Variants in KCTD1 observed in about 807,000 individuals in gnomAD.
KCTD1 encodes the protein BTB/POZ domain-containing protein KCTD1.
Under a neutral mutation model 66.0 loss-of-function variants are expected in KCTD1, and 24 were observed. The ratio of observed to expected loss-of-function variants is 0.36; its 90% confidence interval spans 0.26 to 0.51. The LOEUF is 0.51. Among genes scored for constraint, KCTD1 ranks in the 20% least tolerant of loss-of-function variants. KCTD1 has a pLI of 0.95. For synonymous variants in KCTD1, 511 were observed against 517.2 expected (o/e 0.99, Z 0.16); for missense variants, 943 against 1,205.2 (o/e 0.78, Z 3.22).
chr18:26,485,935 CTTTT>C (rs372930779), intron 2 of KCTD1, among the ~76,000 whole-genome samples: 8 of 136,612 alleles, frequency 5.9e-5, no homozygotes, highest in Admixed American at 7.4e-5. Flanking sequence ...TAATTTAATC[CTTTT>C]TTTTTTTTTT....
chr18:26,634,343 G>A (rs1239882282), intron 1 of KCTD1, among the ~76,000 whole-genome samples: 1 of 152,124 alleles, frequency 6.6e-6, no homozygotes, highest in Non-Finnish European at 1.5e-5. Flanking sequence ...GTGCAGAAAA[G>A]CATTTATGAT....
At chr18:26,610,504 T>C (rs1987110933) in intron 1 of KCTD1, among the ~76,000 whole-genome samples, 1 of 151,830 alleles carries the variant, frequency 6.6e-6, no homozygotes, top group South Asian at 2.1e-4. Context: ...TTTGAGCCCA[T>C]AAATTTAAGG....
At chr18:26,631,407 G>A (rs1987614837), upstream of KCTD1, among the ~76,000 whole-genome samples, 1 of 152,188 alleles carries the variant, frequency 6.6e-6, no homozygotes, top group Admixed American at 6.5e-5. Context: ...TGTACAGCAT[G>A]TTACCGCACT....
At chr18:26,455,934 GGT>G in intron 4 of KCTD1, 33 bp from the exon 5 acceptor site, 1 of 1,604,024 alleles carries the variant, frequency 6.2e-7, no homozygotes, top group Non-Finnish European at 8.5e-7. Context: ...TCCAGTTAGG[GGT>G]GAGGTAAGTC....
chr18:26,463,836 C>A (rs2144548273), intron 3 of KCTD1, among the ~76,000 whole-genome samples: 1 of 152,310 alleles, frequency 6.6e-6, no homozygotes, highest in East Asian at 1.9e-4. Context: ...CACGCCCGGC[C>A]TGAATACATA....
intron 1 of KCTD1, among the ~76,000 whole-genome samples, chr18:26,626,696 A>G (rs938248541): frequency 1.3e-5 from 2 of 152,046 alleles, no homozygotes; most frequent in African/African-American, 4.8e-5. Context: ...GCTGGTTTTG[A>G]ATTCCTAGCC....
chr18:26,602,780 A>G (rs534077875), intron 1 of KCTD1, among the ~76,000 whole-genome samples: 1 of 152,246 alleles, frequency 6.6e-6, no homozygotes, highest in African/African-American at 2.4e-5. Context: ...CCACAGCTGT[A>G]TCAGTTCAGC....
At chr18:26,649,741 C>G (rs191468412) in intron 1 of KCTD1, among the ~76,000 whole-genome samples, 154 of 152,284 alleles carry the variant, frequency 1.0e-3, no homozygotes, top group African/African-American at 3.5e-3. Flanking sequence ...ATATCCTGAC[C>G]TCGTGATCCA....
intron 2 of KCTD1, among the ~76,000 whole-genome samples, chr18:26,499,642 CAA>C (rs1258584247): frequency 1.3e-5 from 2 of 152,122 alleles, no homozygotes; most frequent in Non-Finnish European, 2.9e-5. Flanking sequence ...AAACAAAAAA[CAA>C]AAAGTCGGCC....
chr18:26,583,393 C>CAAAAAAAAAAAAA lies in KCTD1; in HGVS notation c.-16+45741_-16+45753dup, dbSNP rs55720907. ...TGGGTGACAGAGCAAGACTTTGTCT[C>CAAAAAAAAAAAAA]AAAAAAAAAAAAAAAAAAAAAAAAG... On this transcript the variant is annotated intron_variant, in intron 1 of 4. Transcript: ENST00000317932. Among the ~76,000 whole-genome samples, 15 of 83,814 alleles carry CAAAAAAAAAAAAA rather than the reference C, an allele frequency of 1.8e-4. 1 individual carries two copies. Among genetic ancestry groups the CAAAAAAAAAAAAA allele is most frequent in the East Asian group, 1.1e-3 (3 of 2,612 alleles). 55.0% of individuals were successfully genotyped at this position (83,814 alleles called of 152,430 possible).
At chr18:26,657,200 C>G (rs1988175232) in intron 1 of KCTD1, among the ~76,000 whole-genome samples, 1 of 151,148 alleles carries the variant, frequency 6.6e-6, no homozygotes, top group African/African-American at 2.4e-5. Context: ...CGCCGCGGGT[C>G]CAAGCGGATT....
chr18:26,472,388 CT>C (rs1292591910), intron 3 of KCTD1, among the ~76,000 whole-genome samples: 3 of 152,106 alleles, frequency 2.0e-5, no homozygotes, highest in East Asian at 1.9e-4. Flanking sequence ...AACTTGACTT[CT>C]TTTTTGACAA....
At chr18:26,513,729 T>G (rs759376683) in intron 1 of KCTD1, among the ~76,000 whole-genome samples, 1 of 152,248 alleles carries the variant, frequency 6.6e-6, no homozygotes, top group African/African-American at 2.4e-5. Context: ...AGTCTATGAT[T>G]TTTAAAAAAT....
chr18:26,549,359 C>T (rs1204039867), upstream of KCTD1: 12 of 985,392 alleles, frequency 1.2e-5, no homozygotes, highest in Non-Finnish European at 1.4e-5. Context: ...TTCGACTTTT[C>T]CAACAGCCAC....
chr18:26,472,636 TA>T (rs1981130765), intron 3 of KCTD1, among the ~76,000 whole-genome samples: 1 of 151,888 alleles, frequency 6.6e-6, no homozygotes, highest in South Asian at 2.1e-4. Context: ...TACATGAGCT[TA>T]CTTACTCCCT....
chr18:26,524,502 C>T (rs576191140), intron 1 of KCTD1, among the ~76,000 whole-genome samples: 1 of 152,120 alleles, frequency 6.6e-6, no homozygotes, highest in Non-Finnish European at 1.5e-5. Flanking sequence ...ACATGAGCCC[C>T]CAAAGTCACT....
chr18:26,527,116 G>A (rs1001108032), intron 1 of KCTD1, among the ~76,000 whole-genome samples: 8 of 152,054 alleles, frequency 5.3e-5, no homozygotes, highest in African/African-American at 1.9e-4. Context: ...TTTAGGGACA[G>A]AAATTTACTC....
intron 1 of KCTD1, among the ~76,000 whole-genome samples, chr18:26,578,057 C>CTTTTTTTTT (rs11381611): frequency 1.5e-4 from 17 of 117,024 alleles, no homozygotes; most frequent in Non-Finnish European, 1.9e-4. Context: ...TCTTTTCTTT[C>CTTTTTTTTT]TTTTTTTTTT....
rs184851608 is a variant in KCTD1, at chr18:26,571,174, A to G, written c.-16+57973T>C. The stretch of plus-strand genomic sequence containing the variant: ...CTCACTAATTAGAGGGTGGAGACCG[A>G]GTATCCATTCATTTCTGCATTAACA... On this transcript the variant is annotated intron_variant, in intron 1 of 4. Coordinates refer to the KCTD1 transcript ENST00000317932. 2.9e-3 allele frequency among the ~76,000 whole-genome samples: 441 copies of G among 152,312 alleles called. 2 individuals are homozygous for G. The highest frequency in any genetic ancestry group is 3.3e-3 in the Non-Finnish European group (224 of 68,034).
Sources: gnomAD v4.1 joint callset for allele counts (sites outside exome capture counted in the v4.1 genomes callset) on GRCh38, gnomAD v4.1.1 for gene constraint, MANE v1.5 for transcripts, NCBI Gene and HGNC (gene_info 2026-07-23, HGNC 2026-07-21) for gene names.